Variants in PMFBP1 observed in about 807,000 individuals in gnomAD.
PMFBP1 encodes the protein polyamine modulated factor 1 binding protein 1.
In PMFBP1, 131 loss-of-function variants were observed where a neutral mutation model predicts 137.8. The observed-to-expected ratio is 0.95, with a 90% CI of 0.82 to 1.10. The LOEUF (loss-of-function observed/expected upper bound fraction) is 1.10. Among genes scored for constraint, PMFBP1 ranks in the 50% least tolerant of loss-of-function variants. The pLI is 0.00. For synonymous variants in PMFBP1, 490 were observed against 450.4 expected (o/e 1.09, Z -1.11); for missense variants, 1,199 against 1,175.4 (o/e 1.02, Z -0.29).
At chr16:72,121,560 G>GAA (rs2042377759) in intron 19 of PMFBP1, among the ~76,000 whole-genome samples, 1 of 152,222 alleles carries the variant, frequency 6.6e-6, no homozygotes, top group Non-Finnish European at 1.5e-5. Context: ...CCTGCCCTTG[G>GAA]GGGCAGGCTC....
intron 3 of PMFBP1, among the ~76,000 whole-genome samples, chr16:72,156,700 T>A (rs1051359248): frequency 2.0e-5 from 3 of 152,174 alleles, no homozygotes; most frequent in Non-Finnish European, 4.4e-5. Flanking sequence ...ATTTGGTTTA[T>A]CTGTTCACCA....
chr16:72,166,769 TCAATGGC>T (rs1379919222), intron 2 of PMFBP1, among the ~76,000 whole-genome samples: 1 of 152,220 alleles, frequency 6.6e-6, no homozygotes, highest in Non-Finnish European at 1.5e-5. Flanking sequence ...CATCAGTCAG[TCAATGGC>T]CAATGGCCAT....
chr16:72,140,200 G>C (rs1030569945), intron 6 of PMFBP1, among the ~76,000 whole-genome samples: 2 of 152,172 alleles, frequency 1.3e-5, no homozygotes, highest in Non-Finnish European at 2.9e-5. Flanking sequence ...TGTTGTGTGA[G>C]AGATTTTAAG....
At chr16:72,125,878 T>C in intron 15 of PMFBP1, 90 bp downstream of exon 15, 1 of 1,477,878 alleles carries the variant, frequency 6.8e-7, no homozygotes, top group African/African-American at 1.4e-5. Flanking sequence ...TGACAGTCAA[T>C]AGGCAGGAAA....
upstream of PMFBP1, chr16:72,174,086 T>C (rs970547474): frequency 1.3e-5 from 2 of 152,232 alleles, no homozygotes; most frequent in East Asian, 1.9e-4. Context: ...GAAATGATTG[T>C]AGTGAAAACA....
chr16:72,176,791 C>G (rs2043260884), upstream of PMFBP1: 1 of 152,232 alleles, frequency 6.6e-6, no homozygotes, highest in Admixed American at 6.5e-5. Flanking sequence ...ATTTAAGTTA[C>G]TCTCAGAGAT....
At chr16:72,210,015 G>T in the PMFBP1 span, among the ~76,000 whole-genome samples, 3 of 152,126 alleles carry the variant, frequency 2.0e-5, no homozygotes, top group Non-Finnish European at 4.4e-5. Context: ...CAGCTTCCTG[G>T]TGTTGTTAGT....
rs1044789269 is a variant in PMFBP1, at chr16:72,122,790, T to C, written c.2768+124A>G. ...GATGCAGATTCGAGACCTGGGGGTC[T>C]TTCCAAAGCACCAGGCCTTTCCTGG... On this transcript the variant is annotated intron_variant, in intron 19 of 20. Transcript: ENST00000237353. 6.0e-5 allele frequency: 50 copies of C among 837,784 alleles called. No homozygotes were observed. The African/African-American group carries it at 7.8e-4, about 13-fold the overall frequency. The allele number at this position is 837,784 out of a possible 1,614,324, so 51.9% of individuals were successfully genotyped here. A position where few individuals can be genotyped will look rare whatever the true frequency, so the allele number is the denominator to read the frequency against.
chr16:72,248,982 G>A, the PMFBP1 span, among the ~76,000 whole-genome samples: 1 of 152,020 alleles, frequency 6.6e-6, no homozygotes, highest in South Asian at 2.1e-4. Flanking sequence ...GCTACTCAAG[G>A]TAGTATCTTG....
upstream of PMFBP1, among the ~76,000 whole-genome samples, chr16:72,173,231 C>T (rs560110473): frequency 1.3e-5 from 2 of 152,284 alleles, no homozygotes; most frequent in Non-Finnish European, 2.9e-5. Context: ...TGCTCTACCA[C>T]GATGGACACC....
At chr16:72,178,451 A>C (rs1484424382), upstream of PMFBP1, among the ~76,000 whole-genome samples, 1 of 152,186 alleles carries the variant, frequency 6.6e-6, no homozygotes, top group Admixed American at 6.5e-5. Flanking sequence ...TCTCACTTGC[A>C]ATAATTGTTA....
chr16:72,162,569 C>T lies in PMFBP1; in HGVS notation c.165+2195G>A, dbSNP rs117856454. Among the ~76,000 whole-genome samples the T allele has an allele frequency of 3.1e-3, 472 of 152,324 alleles. 1 individual carries two copies. The highest frequency in any genetic ancestry group is 5.6e-3 in the Non-Finnish European group (384 of 68,036). ...CCATATTACATTTCCATGTGGAAGG[C>T]AGATCTTAAAGGGATTTTCCGAGCG... On this transcript the variant is annotated intron_variant, in intron 3 of 20. Transcript: ENST00000237353.
intron 10 of PMFBP1, 21 bp from the exon 11 acceptor site, chr16:72,130,743 C>G: frequency 1.3e-6 from 2 of 1,595,628 alleles, no homozygotes; most frequent in Non-Finnish European, 1.7e-6. Flanking sequence ...AGGGAGATGG[C>G]CATGTGAGAA....
chr16:72,124,806 C>T lies in PMFBP1; in HGVS notation c.2550G>A (p.Met850Ile), dbSNP rs754699833. The change falls in exon 17 of 21, where the codon ATG becomes ATA. Residue 850 changes from methionine (M) to isoleucine (I), a missense_variant. Coordinates refer to ENST00000237353, the MANE Select transcript of PMFBP1 (RefSeq NM_031293.3). Reference sequence around the variant, plus strand: ...CAAGGAGGTTCTCTTTTAAGGCGGCCATCTCCTCCTGGAACTCCCTGAGCT... The same window carrying T: ...CAAGGAGGTTCTCTTTTAAGGCGGCTATCTCCTCCTGGAACTCCCTGAGCT... Reference protein sequence around the residue: ...EEQLREFQEEMAALKENLLED... With the variant: ...EEQLREFQEEIAALKENLLED... The T allele has an allele frequency of 3.7e-6, 6 of 1,614,148 alleles. No homozygotes were observed. Among genetic ancestry groups the T allele is most frequent in the Non-Finnish European group, 4.2e-6 (5 of 1,180,010 alleles).
At chr16:72,122,851 G>C (rs1194124568) in intron 19 of PMFBP1, 63 bp downstream of exon 19, 2 of 1,498,834 alleles carry the variant, frequency 1.3e-6, no homozygotes, top group East Asian at 4.5e-5. Flanking sequence ...GCCAGCCCTG[G>C]CTCCCTGCTG....
At chr16:72,194,914 A>T in the PMFBP1 span, among the ~76,000 whole-genome samples, 1 of 152,220 alleles carries the variant, frequency 6.6e-6, no homozygotes, top group African/African-American at 2.4e-5. Flanking sequence ...TGGTATGAGA[A>T]CAAGTGCTAG....
At chr16:72,127,207 A>G (rs923049839) in intron 14 of PMFBP1, among the ~76,000 whole-genome samples, 1 of 152,170 alleles carries the variant, frequency 6.6e-6, no homozygotes, top group Admixed American at 6.5e-5. Flanking sequence ...TCAGTGCTTC[A>G]AGTTTATTAC....
At chr16:72,216,724 C>T in the PMFBP1 span, among the ~76,000 whole-genome samples, 8 of 152,302 alleles carry the variant, frequency 5.3e-5, no homozygotes, top group African/African-American at 1.9e-4. Flanking sequence ...CTGCTTCCAG[C>T]AGAGCATAAA....
the PMFBP1 span, among the ~76,000 whole-genome samples, chr16:72,238,652 C>A: frequency 6.6e-6 from 1 of 152,176 alleles, no homozygotes; most frequent in Non-Finnish European, 1.5e-5. Flanking sequence ...CAGGCAATAT[C>A]AGGAACCATA....
Sources: allele counts gnomAD v4.1 joint callset (sites outside exome capture counted in the v4.1 genomes callset), GRCh38; gene constraint gnomAD v4.1.1; transcripts MANE v1.5; gene names NCBI Gene and HGNC (gene_info 2026-07-23, HGNC 2026-07-21).